Variants in SNW1 observed in about 807,000 individuals in gnomAD.
The protein encoded by SNW1 is SNW domain-containing protein 1.
SNW1 carries 9 observed loss-of-function variants against 75.6 expected under a neutral mutation model. The observed-to-expected ratio is 0.12, with a 90% CI of 0.07 to 0.21. The LOEUF (loss-of-function observed/expected upper bound fraction) is 0.21. Ranked by LOEUF, SNW1 falls within the 10% of genes least tolerant of loss-of-function variation. SNW1 has a pLI of 1.00. For missense variants in SNW1, 409 were observed against 670.9 expected (o/e 0.61, Z 4.31); for synonymous variants, 200 against 219.1 (o/e 0.91, Z 0.77).
intron 6 of SNW1, 64 bp from the exon 7 acceptor site, chr14:77,736,070 T>G (rs961493350): frequency 8.6e-7 from 1 of 1,166,620 alleles, no homozygotes; most frequent in Non-Finnish European, 1.3e-6. Flanking sequence ...TCATATCAAG[T>G]CTCTCCTCCT....
At chr14:77,751,613 T>C (rs1019952699) in intron 2 of SNW1, 133 bp from the exon 3 acceptor site, 1 of 593,620 alleles carries the variant, frequency 1.7e-6, no homozygotes, top group Non-Finnish European at 2.7e-6. Flanking sequence ...TCCCTGCCTC[T>C]TGTGGAGTTT....
At chr14:77,748,625 C>T (rs948166689) in intron 3 of SNW1, among the ~76,000 whole-genome samples, 4 of 151,542 alleles carry the variant, frequency 2.6e-5, no homozygotes, top group African/African-American at 7.3e-5. Context: ...CTTGCTCTGT[C>T]GCCCAGGCTG....
At position 77,717,698 on chromosome 14, in the gene SNW1, AT is replaced by A. The variant is rs140646409; in HGVS notation, c.*389del. ...ACAGAGCACAATAGGGGCAAAATTTATTTGGCAGGACAGTTCCAGTATGTGA... is the reference window on the plus strand; with the variant it reads ...ACAGAGCACAATAGGGGCAAAATTTATTGGCAGGACAGTTCCAGTATGTGA... On this transcript the variant is annotated 3_prime_UTR_variant, in exon 14 of 14. Transcript: ENST00000261531. The A allele has an allele frequency of 2.3e-3, 1,728 of 740,276 alleles. 16 individuals carry two copies. In the African/African-American group the frequency reaches 0.027, roughly 12 times the overall value. 45.9% of individuals were successfully genotyped at this position (740,276 alleles called of 1,614,324 possible).
intron 2 of SNW1, among the ~76,000 whole-genome samples, chr14:77,753,267 G>T (rs2080821476): frequency 6.6e-6 from 1 of 152,210 alleles, no homozygotes. Flanking sequence ...GTATCGTAAT[G>T]CTGAAATGCA....
intron 3 of SNW1, among the ~76,000 whole-genome samples, chr14:77,741,382 A>G (rs544552507): frequency 7.0e-4 from 106 of 152,294 alleles, no homozygotes; most frequent in African/African-American, 2.4e-3. Flanking sequence ...GAATAAATAA[A>G]TAAGTTTATA....
Position 77,738,809 on chromosome 14 carries a change from C to G in SNW1, c.502G>C (p.Ala168Pro). 1 of 1,614,138 alleles carries G rather than the reference C, an allele frequency of 6.2e-7. No individual in the cohort carries two copies. Among genetic ancestry groups the G allele is most frequent in the Non-Finnish European group, 8.5e-7 (1 of 1,180,004 alleles). The change falls in exon 5 of 14, where the codon GCT (alanine) becomes CCT (proline). Residue 168 changes from alanine (A) to proline (P), a missense_variant. Physicochemically the swap from Ala to Pro is conservative, Grantham distance 27 (BLOSUM62 -1). Coordinates refer to ENST00000261531, the MANE Select transcript of SNW1 (RefSeq NM_012245.3). ...KVAAAMPVRA[A>P]DKLAPAQYIR... ...TACTGAGCAGGAGCCAATTTGTCAG[C>G]TGCTCGAACTGGCATGGCTGCGGCG...
chr14:77,749,730 G>T (rs181789347), intron 3 of SNW1, among the ~76,000 whole-genome samples: 7 of 152,172 alleles, frequency 4.6e-5, no homozygotes, highest in Non-Finnish European at 8.8e-5. Flanking sequence ...GGGTGCCAGG[G>T]CACTACAATC....
chr14:77,760,632 G>C, intron 1 of SNW1: 3 of 702,354 alleles, frequency 4.3e-6, no homozygotes, highest in African/African-American at 1.7e-5. Flanking sequence ...TCTGTGTTCA[G>C]CTCCGGGCCT....
At chr14:77,739,642 C>CTATA (rs959779795) in intron 3 of SNW1, among the ~76,000 whole-genome samples, 2 of 151,676 alleles carry the variant, frequency 1.3e-5, no homozygotes, top group Non-Finnish European at 2.9e-5. Flanking sequence ...AAAATATATT[C>CTATA]TATATATACA....
chr14:77,751,838 A>ACACACACACACACACAC (rs962881056), intron 2 of SNW1, among the ~76,000 whole-genome samples: 1 of 124,730 alleles, frequency 8.0e-6, no homozygotes, highest in Non-Finnish European at 1.7e-5. Context: ...ACACACACAC[A>ACACACACACACACACAC]CACACACCAC....
At chr14:77,741,803 C>T (rs1566832562) in intron 3 of SNW1, among the ~76,000 whole-genome samples, 1 of 152,028 alleles carries the variant, frequency 6.6e-6, no homozygotes, top group African/African-American at 2.4e-5. Flanking sequence ...TCCATAGCAA[C>T]GGTTATAAGG....
chr14:77,751,866 G>C, intron 2 of SNW1, among the ~76,000 whole-genome samples: 1 of 145,774 alleles, frequency 6.9e-6, no homozygotes, highest in East Asian at 2.0e-4. Context: ...CACACACAAA[G>C]CATTTTCTAG....
intron 8 of SNW1, among the ~76,000 whole-genome samples, chr14:77,732,825 G>A (rs986049022): frequency 6.6e-5 from 10 of 152,180 alleles, no homozygotes; most frequent in Admixed American, 2.0e-4. Flanking sequence ...CCACACACTC[G>A]GCTAGTTTTT....
chr14:77,738,284 G>A (rs2080690026), intron 5 of SNW1, among the ~76,000 whole-genome samples: 1 of 150,988 alleles, frequency 6.6e-6, no homozygotes, highest in Admixed American at 6.6e-5. Context: ...CTGGGCAACA[G>A]AGCAAGATTC....
chr14:77,741,963 T>TATCTCACAAGGCTGAGTGAAGGAC (rs1566832626), intron 3 of SNW1, among the ~76,000 whole-genome samples: 1 of 152,142 alleles, frequency 6.6e-6, no homozygotes, highest in African/African-American at 2.4e-5. Context: ...AAGATTCTAG[T>TATCTCACAAGGCTGAGTGAAGGAC]ATCTCACAAG....
chr14:77,745,049 G>T (rs896068173), intron 3 of SNW1, among the ~76,000 whole-genome samples: 2 of 152,170 alleles, frequency 1.3e-5, no homozygotes, highest in Admixed American at 1.3e-4. Context: ...AAACTTTCAG[G>T]CAGTAAGTAA....
At chr14:77,758,127 C>T (rs937699054) in intron 1 of SNW1, among the ~76,000 whole-genome samples, 1 of 151,902 alleles carries the variant, frequency 6.6e-6, no homozygotes. Context: ...GCCAGGAGTT[C>T]GAGACCAGCC....
intron 8 of SNW1, among the ~76,000 whole-genome samples, chr14:77,733,770 CAAAGAAA>C (rs1374983320): frequency 6.4e-4 from 75 of 116,540 alleles, no homozygotes; most frequent in Middle Eastern, 4.7e-3. Context: ...AAAAAAAAAC[CAAAGAAA>C]AAAGAAAAAA....
At chr14:77,739,504 A>T (rs1402693033) in intron 3 of SNW1, among the ~76,000 whole-genome samples, 1 of 152,144 alleles carries the variant, frequency 6.6e-6, no homozygotes, top group Non-Finnish European at 1.5e-5. Flanking sequence ...ACCTCATCCT[A>T]TTTATAACGC....
Sources: gnomAD v4.1 joint callset for allele counts (sites outside exome capture counted in the v4.1 genomes callset) on GRCh38, gnomAD v4.1.1 for gene constraint, MANE v1.5 for transcripts, NCBI Gene and HGNC (gene_info 2026-07-23, HGNC 2026-07-21) for gene names.